MICU2: variants seen among roughly 807,000 people sequenced by gnomAD.
MICU2 encodes the protein mitochondrial calcium uptake 2, also known as calcium uptake protein 2, mitochondrial.
In MICU2, 64 loss-of-function variants were observed where a neutral mutation model predicts 60.4. The ratio of observed to expected loss-of-function variants is 1.06; its 90% CI spans 0.87 to 1.31. The LOEUF is 1.31. Among genes scored for constraint, MICU2 ranks in the 50% most tolerant of loss-of-function variants. The pLI, the probability that MICU2 is intolerant of heterozygous loss-of-function variation, is 0.00. For synonymous variants in MICU2, 201 were observed against 175.0 expected (o/e 1.15, Z -1.17); for missense variants, 569 against 531.0 (o/e 1.07, Z -0.70).
intron 1 of MICU2, among the ~76,000 whole-genome samples, chr13:21,587,238 G>A (rs1888479477): frequency 6.6e-6 from 1 of 152,150 alleles, no homozygotes; most frequent in Non-Finnish European, 1.5e-5. Flanking sequence ...TGAGTCCGTA[G>A]ATATAAATGA....
intron 1 of MICU2, among the ~76,000 whole-genome samples, chr13:21,594,879 G>C (rs557933475): frequency 1.7e-3 from 257 of 152,200 alleles, no homozygotes; most frequent in African/African-American, 5.7e-3. Flanking sequence ...GGCCTGTTAG[G>C]GGGTGGGGAT....
At chr13:21,509,126 G>C (rs759824183) in intron 8 of MICU2, among the ~76,000 whole-genome samples, 3 of 152,260 alleles carry the variant, frequency 2.0e-5, no homozygotes, top group Admixed American at 6.5e-5. Flanking sequence ...ACTGCTTTTT[G>C]ATATCTGTTT....
intron 1 of MICU2, among the ~76,000 whole-genome samples, chr13:21,570,082 C>A (rs1212183841): frequency 6.6e-6 from 1 of 152,034 alleles, no homozygotes; most frequent in Admixed American, 6.5e-5. Flanking sequence ...TCCTTTAGTC[C>A]CTGGGCTAAC....
chr13:21,570,931 A>G (rs1888093452), intron 1 of MICU2, among the ~76,000 whole-genome samples: 1 of 152,216 alleles, frequency 6.6e-6, no homozygotes, highest in Non-Finnish European at 1.5e-5. Context: ...TTGAACAACT[A>G]AAAACATAGT....
intron 4 of MICU2, among the ~76,000 whole-genome samples, chr13:21,529,053 A>G (rs1352796045): frequency 6.6e-6 from 1 of 152,246 alleles, no homozygotes; most frequent in African/African-American, 2.4e-5. Flanking sequence ...CAAAGGGCTT[A>G]TATACACCAA....
At chr13:21,512,091 G>C (rs1160577525) in intron 7 of MICU2, among the ~76,000 whole-genome samples, 1 of 152,162 alleles carries the variant, frequency 6.6e-6, no homozygotes, top group African/African-American at 2.4e-5. Flanking sequence ...CTAGCAATGA[G>C]TGATTCAGTT....
intron 1 of MICU2, among the ~76,000 whole-genome samples, 173 bp from the exon 2 acceptor site, chr13:21,567,117 G>A (rs545324197): frequency 1.3e-5 from 2 of 152,258 alleles, no homozygotes; most frequent in Admixed American, 6.5e-5. Context: ...AGATACAATA[G>A]TGAATAAGAC....
intron 4 of MICU2, among the ~76,000 whole-genome samples, chr13:21,524,027 T>C (rs962157023): frequency 2.6e-5 from 4 of 152,210 alleles, no homozygotes; most frequent in African/African-American, 9.7e-5. Flanking sequence ...GTCACTAAAC[T>C]TTCTTGCTTG....
At chr13:21,539,529 A>G in intron 3 of MICU2, 128 bp downstream of exon 3, 2 of 1,349,442 alleles carry the variant, frequency 1.5e-6, no homozygotes, top group Non-Finnish European at 2.1e-6. Context: ...TGATCTCCTG[A>G]CCTCGTGATC....
At position 21,515,248 on chromosome 13, in the gene MICU2, A is replaced by AT. The variant is rs989095293; in HGVS notation, c.598-831dup. ...AGGCACCCGCCACCATGCCTGGCTA[A>AT]TTTTTTTGTATTTTTAGTAGAGATG... On this transcript the variant is annotated intron_variant, in intron 6 of 11. Transcript: ENST00000382374. Among the ~76,000 whole-genome samples the AT allele has an allele frequency of 6.0e-5, 9 of 151,020 alleles. No individual in the cohort carries two copies. The South Asian group carries it at 8.4e-4, about 14-fold the overall frequency.
intron 4 of MICU2, chr13:21,530,753 C>T (rs1886974230): frequency 1.8e-6 from 1 of 567,864 alleles, no homozygotes; most frequent in Non-Finnish European, 3.2e-6. Flanking sequence ...GCAGCCCCCA[C>T]CCCAGCCATA....
At chr13:21,496,219 G>A in intron 9 of MICU2, 59 bp from the exon 10 acceptor site, 1 of 1,273,978 alleles carries the variant, frequency 7.8e-7, no homozygotes, top group Non-Finnish European at 1.1e-6. Context: ...TCTTATAAAT[G>A]TTAACTATGA....
At chr13:21,554,699 T>C (rs779897739) in intron 2 of MICU2, among the ~76,000 whole-genome samples, 51 of 151,856 alleles carry the variant, frequency 3.4e-4, no homozygotes, top group Non-Finnish European at 6.0e-4. Flanking sequence ...GAAATAGAGA[T>C]ACAAAAAATC....
chr13:21,503,347 AC>A (rs2138138772), intron 8 of MICU2, among the ~76,000 whole-genome samples: 1 of 152,286 alleles, frequency 6.6e-6, no homozygotes, highest in South Asian at 2.1e-4. Context: ...ATACCTGGCA[AC>A]CTACATTCTG....
chr13:21,596,399 C>T (rs759536929), intron 1 of MICU2, among the ~76,000 whole-genome samples: 12 of 151,702 alleles, frequency 7.9e-5, no homozygotes, highest in Non-Finnish European at 1.3e-4. Context: ...TTCTCTCACC[C>T]CTGAAGCCTA....
At chr13:21,603,353 A>T (rs1028760241) in intron 1 of MICU2, among the ~76,000 whole-genome samples, 1 of 152,212 alleles carries the variant, frequency 6.6e-6, no homozygotes, top group African/African-American at 2.4e-5. Context: ...AAGGTTTATA[A>T]TCATGCAATA....
At chr13:21,503,782 AT>A (rs1341995680) in intron 8 of MICU2, among the ~76,000 whole-genome samples, 2 of 152,224 alleles carry the variant, frequency 1.3e-5, no homozygotes, top group Non-Finnish European at 1.5e-5. Context: ...CACTTGATTT[AT>A]TTATAACCTA....
Position 21,540,197 on chromosome 13 carries a change from T to C in MICU2, c.359-509A>G, listed in dbSNP as rs146476959. Reference sequence around the variant, plus strand: ...AAAGTAGTTATTTTTAATAATTTCCTACTGGATAACAGAGATTTAAAATTC... The same window carrying C: ...AAAGTAGTTATTTTTAATAATTTCCCACTGGATAACAGAGATTTAAAATTC... On this transcript the variant is annotated intron_variant, in intron 2 of 11. Coordinates refer to ENST00000382374, the MANE Select transcript of MICU2 (RefSeq NM_152726.3). 2.1e-3 allele frequency among the ~76,000 whole-genome samples: 319 copies of C among 152,314 alleles called. 1 individual carries two copies. Among genetic ancestry groups the C allele is most frequent in the African/African-American group, 6.7e-3 (280 of 41,580 alleles).
chr13:21,588,843 G>A (rs539192027), intron 1 of MICU2, among the ~76,000 whole-genome samples: 14 of 152,218 alleles, frequency 9.2e-5, no homozygotes, highest in Middle Eastern at 6.8e-3. Context: ...AGAATCTCGC[G>A]GGGAATACCA....
Sources: allele counts gnomAD v4.1 joint callset (sites outside exome capture counted in the v4.1 genomes callset), GRCh38; gene constraint gnomAD v4.1.1; transcripts MANE v1.5; gene names NCBI Gene and HGNC (gene_info 2026-07-23, HGNC 2026-07-21).